The following SMARCAD1 variants were observed in gnomAD, a reference collection of about 807,000 sequenced individuals.
The protein encoded by SMARCAD1 is SWI/SNF-related matrix-associated actin-dependent regulator of chromatin subfamily A containing DEAD/H box 1.
Under a neutral mutation model 127.1 loss-of-function variants are expected in SMARCAD1, and 25 were observed. The ratio of observed to expected loss-of-function variants is 0.20; its 90% CI spans 0.14 to 0.27. SMARCAD1 has a LOEUF of 0.27. Ranked by LOEUF, SMARCAD1 falls within the 10% of genes least tolerant of loss-of-function variation. The pLI is 1.00. For missense variants in SMARCAD1, 807 were observed against 1,206.0 expected, an observed-to-expected ratio of 0.67 and a Z score of 4.90; for synonymous variants, 400 against 396.9, an observed-to-expected ratio of 1.01 and a Z score of -0.09.
At chr4:94,268,871 C>T (rs1375489854) in intron 10 of SMARCAD1, among the ~76,000 whole-genome samples, 5 of 152,064 alleles carry the variant, frequency 3.3e-5, no homozygotes, top group South Asian at 2.1e-4. Flanking sequence ...TTACTCTCAC[C>T]GTTATAGTAG....
At chr4:94,244,320 T>C (rs543703381) in intron 6 of SMARCAD1, among the ~76,000 whole-genome samples, 1 of 152,336 alleles carries the variant, frequency 6.6e-6, no homozygotes, top group Non-Finnish European at 1.5e-5. Flanking sequence ...AATGCTACAG[T>C]TTCCTAAGCC....
At chr4:94,286,662 T>C (rs1560573355) in intron 23 of SMARCAD1, among the ~76,000 whole-genome samples, 1 of 152,228 alleles carries the variant, frequency 6.6e-6, no homozygotes, top group African/African-American at 2.4e-5. Context: ...CGTATTTTAA[T>C]GGTATTATGG....
rs112303846 is a variant in SMARCAD1 at position 94,284,948 on chromosome 4, AT to A, written c.2910-3del. The A allele has an allele frequency of 7.6e-4, 1,093 of 1,429,040 alleles. No homozygotes were observed. The highest frequency in any genetic ancestry group is 9.1e-4 in the Non-Finnish European group (925 of 1,020,102). The allele number at this position is 1,429,040 out of a possible 1,614,324, so 88.5% of individuals were successfully genotyped here. On this transcript the variant is annotated splice_polypyrimidine_tract_variant and intron_variant, in intron 22 of 23. Coordinates refer to ENST00000354268, the MANE Select transcript of SMARCAD1 (RefSeq NM_020159.5). ...TTAGTAACCAATGGACATATTTTGT[AT>A]TTTTTTTTAGAGAAGTACTAGTTAT...
intron 2 of SMARCAD1, among the ~76,000 whole-genome samples, chr4:94,215,925 T>C (rs188320725): frequency 1.3e-5 from 2 of 152,304 alleles, no homozygotes; most frequent in Admixed American, 1.3e-4. Flanking sequence ...CTCCGATAAA[T>C]TATTTGTAAG....
At chr4:94,230,614 C>A (rs1266645045) in intron 3 of SMARCAD1, among the ~76,000 whole-genome samples, 1 of 152,114 alleles carries the variant, frequency 6.6e-6, no homozygotes, top group Non-Finnish European at 1.5e-5. Flanking sequence ...CCAGCAGATG[C>A]CAGTAGCATT....
intron 2 of SMARCAD1, among the ~76,000 whole-genome samples, chr4:94,221,059 A>G (rs537417418): frequency 5.3e-5 from 8 of 152,370 alleles, no homozygotes; most frequent in African/African-American, 1.9e-4. Flanking sequence ...AAAATGAACA[A>G]AGTAATACAA....
intron 3 of SMARCAD1, among the ~76,000 whole-genome samples, chr4:94,232,903 C>A (rs934044470): frequency 6.6e-6 from 1 of 152,054 alleles, no homozygotes; most frequent in Non-Finnish European, 1.5e-5. Context: ...TTGCTAGAGC[C>A]TGTAAGACAA....
intron 3 of SMARCAD1, among the ~76,000 whole-genome samples, chr4:94,228,696 G>A (rs1745386409): frequency 6.6e-6 from 1 of 150,822 alleles, no homozygotes; most frequent in African/African-American, 2.4e-5. Context: ...ACGTTCTGTT[G>A]CTAGTTCCTT....
chr4:94,208,146 G>A (rs1283544714), intron 1 of SMARCAD1, 76 bp downstream of exon 1: 2 of 639,628 alleles, frequency 3.1e-6, no homozygotes, highest in Non-Finnish European at 5.7e-6. Flanking sequence ...ACGAAGGGGA[G>A]TGAAAAGCAA....
upstream of SMARCAD1, chr4:94,207,641 T>C (rs1741397243): frequency 6.5e-6 from 1 of 153,536 alleles, no homozygotes; most frequent in Admixed American, 6.5e-5. Context: ...CTCCGTGGTG[T>C]TTTGGAAGGT....
At chr4:94,260,174 G>A (rs746944244) in intron 9 of SMARCAD1, among the ~76,000 whole-genome samples, 8 of 152,072 alleles carry the variant, frequency 5.3e-5, no homozygotes, top group Middle Eastern at 3.4e-3. Context: ...TCTGTAAAAC[G>A]ATCATTAGAA....
chr4:94,274,058 A>T (rs77508247), intron 12 of SMARCAD1, among the ~76,000 whole-genome samples: 1,724 of 152,336 alleles, frequency 0.011, 35 homozygotes, highest in African/African-American at 0.039. Flanking sequence ...ATTAATTCCT[A>T]CACACATAAC....
chr4:94,267,380 C>T lies in SMARCAD1; in HGVS notation c.1481+2474C>T, dbSNP rs576499219. ...CAGCAGCCATGTCATACTTACGGGA[C>T]ATAAACTTTTGGTCGGACAGCATCC... is the stretch of plus-strand genomic sequence containing the variant. On this transcript the variant is annotated intron_variant, in intron 10 of 23. Coordinates refer to ENST00000354268, the MANE Select transcript of SMARCAD1 (RefSeq NM_020159.5). Among the ~76,000 whole-genome samples, 132 of 152,296 alleles carry T rather than the reference C, an allele frequency of 8.7e-4. 1 individual carries two copies. Among genetic ancestry groups the T allele is most frequent in the African/African-American group, 2.8e-3 (116 of 41,578 alleles).
intron 10 of SMARCAD1, among the ~76,000 whole-genome samples, chr4:94,267,990 A>G (rs1751986293): frequency 6.6e-6 from 1 of 152,178 alleles, no homozygotes; most frequent in Non-Finnish European, 1.5e-5. Flanking sequence ...TTCAGAGTCT[A>G]TCAAAATTGC....
chr4:94,208,159 G>C, intron 1 of SMARCAD1, 89 bp downstream of exon 1: 1 of 670,912 alleles, frequency 1.5e-6, no homozygotes, highest in Admixed American at 2.0e-5. Flanking sequence ...AAAAGCAATG[G>C]AAAATTTTAA....
At position 94,272,527 on chromosome 4, in the gene SMARCAD1, C is replaced by G. The variant is rs35864385; in HGVS notation, c.1573-1090C>G. ...AGTTTCTCATGCTTTTTTCCAGTTA[C>G]TGCTACCACTATTCTTATACCTATC... On this transcript the variant is annotated intron_variant, in intron 11 of 23. Transcript: ENST00000354268. Among the ~76,000 whole-genome samples the G allele has an allele frequency of 2.6e-5, 4 of 152,316 alleles. No homozygotes were observed. The East Asian group carries it at 7.7e-4, about 29-fold the overall frequency.
chr4:94,269,777 T>A (rs1176783357), intron 10 of SMARCAD1, among the ~76,000 whole-genome samples: 1 of 152,078 alleles, frequency 6.6e-6, no homozygotes, highest in Non-Finnish European at 1.5e-5. Context: ...CAGGTGATCC[T>A]TCCACCTCAG....
chr4:94,244,755 TAA>T (rs776962533), intron 6 of SMARCAD1, among the ~76,000 whole-genome samples: 21 of 142,106 alleles, frequency 1.5e-4, no homozygotes, highest in African/African-American at 3.1e-4. Flanking sequence ...CCCAAAACAT[TAA>T]AAAAAAAAAA....
chr4:94,281,647 A>T (rs1051159481), intron 21 of SMARCAD1, 57 bp downstream of exon 21: 1 of 1,104,598 alleles, frequency 9.1e-7, no homozygotes, highest in Non-Finnish European at 1.4e-6. Flanking sequence ...TATTGTTAGG[A>T]TTTTAATTGT....
Sources: allele counts gnomAD v4.1 joint callset (sites outside exome capture counted in the v4.1 genomes callset), GRCh38; gene constraint gnomAD v4.1.1; transcripts MANE v1.5; gene names NCBI Gene and HGNC (gene_info 2026-07-23, HGNC 2026-07-21).